Variants in KDM4C observed in about 807,000 individuals in gnomAD.
The protein encoded by KDM4C is lysine-specific demethylase 4C.
A neutral mutation model predicts 129.3 loss-of-function variants in KDM4C; 81 were observed. The observed-to-expected ratio is 0.63, with a 90% confidence interval of 0.52 to 0.75. KDM4C has a LOEUF of 0.75. Among genes scored for constraint, KDM4C ranks in the 30% least tolerant of loss-of-function variants. The probability of loss-of-function intolerance (pLI) is 0.00; values close to 1 mark genes in which losing one functional copy is unlikely to be tolerated. For missense variants in KDM4C, 1,457 were observed against 1,304.0 expected (o/e 1.12, Z -1.81); for synonymous variants, 573 against 456.1 (o/e 1.26, Z -3.26).
chr9:6,818,358 CA>C (rs758934023), intron 4 of KDM4C, among the ~76,000 whole-genome samples: 8 of 152,160 alleles, frequency 5.3e-5, no homozygotes, highest in Non-Finnish European at 8.8e-5. Flanking sequence ...TATTCTTTAG[CA>C]ATAATAAATT....
intron 15 of KDM4C, among the ~76,000 whole-genome samples, chr9:7,018,481 T>A (rs1824085497): frequency 6.7e-6 from 1 of 148,168 alleles, no homozygotes; most frequent in Non-Finnish European, 1.5e-5. Flanking sequence ...ATTATATAGG[T>A]CCTATTCCTA....
At chr9:6,759,922 C>G (rs2130398421) in intron 1 of KDM4C, among the ~76,000 whole-genome samples, 1 of 141,994 alleles carries the variant, frequency 7.0e-6, no homozygotes, top group East Asian at 2.0e-4. Flanking sequence ...GCGTGGGTGA[C>G]AGACTGAGAC....
At chr9:6,974,851 A>T (rs1430303607) in intron 8 of KDM4C, 1 of 152,194 alleles carries the variant, frequency 6.6e-6, no homozygotes, top group Admixed American at 6.5e-5. Flanking sequence ...AAAGAGTTCA[A>T]TTTCATGCTG....
chr9:6,735,478 G>T (rs1039290133), intron 1 of KDM4C, among the ~76,000 whole-genome samples: 1 of 152,178 alleles, frequency 6.6e-6, no homozygotes, highest in Non-Finnish European at 1.5e-5. Flanking sequence ...GGAGGAACCT[G>T]GTGGGAGGTG....
chr9:6,837,604 AGAATATCTTTTCATGTCT>A (rs1836119938), intron 4 of KDM4C, among the ~76,000 whole-genome samples: 1 of 152,210 alleles, frequency 6.6e-6, no homozygotes, highest in African/African-American at 2.4e-5. Flanking sequence ...AAAATGGCTT[AGAATATCTTTTCATGTCT>A]TTATCGGCCA....
intron 12 of KDM4C, among the ~76,000 whole-genome samples, chr9:6,995,809 C>T (rs1052304576): frequency 6.6e-6 from 1 of 152,106 alleles, no homozygotes; most frequent in Admixed American, 6.5e-5. Flanking sequence ...GTAGCTGGGA[C>T]TACAGGCGCC....
chr9:6,978,017 G>C (rs62534374), intron 8 of KDM4C, among the ~76,000 whole-genome samples: 13,828 of 152,160 alleles, frequency 0.091, 968 homozygotes, highest in Non-Finnish European at 0.14. Context: ...AAAGCAATTT[G>C]TATAAGCCAT....
chr9:6,774,235 C>G (rs1822527564), intron 1 of KDM4C, among the ~76,000 whole-genome samples: 1 of 152,146 alleles, frequency 6.6e-6, no homozygotes, highest in African/African-American at 2.4e-5. Flanking sequence ...AAAAAACAGT[C>G]TACAGTCCTC....
At chr9:6,886,735 AC>A (rs1262465410) in intron 6 of KDM4C, among the ~76,000 whole-genome samples, 2 of 151,744 alleles carry the variant, frequency 1.3e-5, no homozygotes, top group Non-Finnish European at 2.9e-5. Flanking sequence ...CTTGTGGACC[AC>A]CCGCCTCAGC....
At chr9:7,109,648 TATGTTACTTGACTCTTTTA>T (rs1243766472) in intron 18 of KDM4C, among the ~76,000 whole-genome samples, 1 of 152,232 alleles carries the variant, frequency 6.6e-6, no homozygotes, top group African/African-American at 2.4e-5. Flanking sequence ...TAGCTTACTT[TATGTTACTTGACTCTTTTA>T]AACATCATCA....
chr9:6,780,096 A>G (rs1823992443), intron 1 of KDM4C, among the ~76,000 whole-genome samples: 1 of 152,054 alleles, frequency 6.6e-6, no homozygotes, highest in Non-Finnish European at 1.5e-5. Flanking sequence ...AACACCACTG[A>G]CCTCACACAC....
chr9:6,802,926 C>G (rs1444643825), intron 2 of KDM4C, among the ~76,000 whole-genome samples: 8 of 152,220 alleles, frequency 5.3e-5, no homozygotes, highest in Admixed American at 3.9e-4. Context: ...ATATTTAAAT[C>G]TCACAAAATA....
At chr9:6,742,321 T>C (rs1252221013) in intron 1 of KDM4C, among the ~76,000 whole-genome samples, 1 of 152,124 alleles carries the variant, frequency 6.6e-6, no homozygotes, top group Non-Finnish European at 1.5e-5. Flanking sequence ...CCTGGCTATT[T>C]TCAAGATTTT....
intron 12 of KDM4C, among the ~76,000 whole-genome samples, chr9:7,005,950 C>G (rs1007043546): frequency 6.6e-6 from 1 of 152,206 alleles, no homozygotes; most frequent in Non-Finnish European, 1.5e-5. Context: ...TTTGGTGTCA[C>G]TTGGACTAAT....
At chr9:6,927,937 A>T (rs949473254) in intron 8 of KDM4C, among the ~76,000 whole-genome samples, 3 of 151,734 alleles carry the variant, frequency 2.0e-5, no homozygotes, top group Non-Finnish European at 2.9e-5. Context: ...TTCTCATTTC[A>T]TTTGAACTTT....
At chr9:6,760,598 TCTCA>T (rs937857292) in intron 1 of KDM4C, among the ~76,000 whole-genome samples, 8 of 151,616 alleles carry the variant, frequency 5.3e-5, no homozygotes, top group Non-Finnish European at 1.0e-4. Flanking sequence ...TGAGACGAAG[TCTCA>T]CTCTGTTGCC....
chr9:7,055,003 C>G (rs1830678854), intron 17 of KDM4C, among the ~76,000 whole-genome samples: 1 of 151,978 alleles, frequency 6.6e-6, no homozygotes, highest in Admixed American at 6.6e-5. Flanking sequence ...ATGGTGAAAC[C>G]CCATCTCTAC....
At chr9:6,732,752 C>G (rs1320268978) in intron 1 of KDM4C, among the ~76,000 whole-genome samples, 2 of 146,528 alleles carry the variant, frequency 1.4e-5, no homozygotes, top group East Asian at 4.2e-4. Flanking sequence ...ATGGCTCACG[C>G]CTATAACTGC....
chr9:7,129,028 C>G (rs150516829), intron 19 of KDM4C, among the ~76,000 whole-genome samples: 90 of 152,194 alleles, frequency 5.9e-4, no homozygotes, highest in African/African-American at 2.0e-3. Context: ...GTGAGTTAGT[C>G]TGGTGCTGAT....
Sources: allele counts gnomAD v4.1 joint callset (sites outside exome capture counted in the v4.1 genomes callset), GRCh38; gene constraint gnomAD v4.1.1; transcripts MANE v1.5; gene names NCBI Gene and HGNC (gene_info 2026-07-23, HGNC 2026-07-21).